MBTD1: variants seen among roughly 807,000 people sequenced by gnomAD.
MBTD1 encodes the protein mbt domain containing 1.
MBTD1 carries 24 observed loss-of-function variants against 87.8 expected under a neutral mutation model. That is an observed-to-expected ratio of 0.27 (90% CI 0.20 to 0.38). The LOEUF (loss-of-function observed/expected upper bound fraction) is 0.38. Ranked by LOEUF, MBTD1 falls within the 10% of genes least tolerant of loss-of-function variation. The pLI is 1.00. For synonymous variants in MBTD1, 237 were observed against 248.6 expected, an observed-to-expected ratio of 0.95 and a Z score of 0.44; for missense variants, 436 against 760.2, an observed-to-expected ratio of 0.57 and a Z score of 5.02.
At chr17:51,190,721 C>CAAAAAAAAA (rs1165717944) in intron 16 of MBTD1, among the ~76,000 whole-genome samples, 1 of 35,172 alleles carries the variant, frequency 2.8e-5, no homozygotes, top group Non-Finnish European at 4.1e-5. Flanking sequence ...GACTCTGTCT[C>CAAAAAAAAA]AAAAAAAAAA....
At chr17:51,256,160 T>C (rs2055076149) in intron 2 of MBTD1, 1 of 152,336 alleles carries the variant, frequency 6.6e-6, no homozygotes, top group Non-Finnish European at 1.5e-5. Context: ...TTATGACTTG[T>C]CTCATCTTTT....
At chr17:51,215,914 A>G (rs2052538490) in intron 6 of MBTD1, among the ~76,000 whole-genome samples, 1 of 150,706 alleles carries the variant, frequency 6.6e-6, no homozygotes, top group South Asian at 2.1e-4. Flanking sequence ...TGTTATCTAA[A>G]AATAAAGCCC....
rs942390810 is a variant in MBTD1, at chr17:51,180,291, GTTC to G, written c.*282_*284del. ...TGTTACCAAAAAAGTTAGAATTTCA[GTTC>G]TTGTTAACAATGCACATAAATCCAA... is the stretch of plus-strand genomic sequence containing the variant. On this transcript the variant is annotated 3_prime_UTR_variant, in exon 17 of 17. Transcript: ENST00000586178. 21 of 274,756 alleles carry G rather than the reference GTTC, an allele frequency of 7.6e-5. No individual in the cohort carries two copies. The Admixed American group carries it at 1.0e-3, about 13-fold the overall frequency. The allele number at this position is 274,756 out of a possible 1,614,324, so 17.0% of individuals were successfully genotyped here.
At chr17:51,198,997 T>C (rs1214371167) in intron 12 of MBTD1, among the ~76,000 whole-genome samples, 4 of 152,206 alleles carry the variant, frequency 2.6e-5, no homozygotes, top group African/African-American at 7.2e-5. Context: ...GGTTTTATCA[T>C]GTTGGCCAGG....
intron 12 of MBTD1, among the ~76,000 whole-genome samples, chr17:51,197,377 G>C (rs1177764599): frequency 6.6e-6 from 1 of 151,506 alleles, no homozygotes; most frequent in East Asian, 1.9e-4. Context: ...TTCCTTCATA[G>C]TTTTACTTGT....
At chr17:51,211,786 A>G (rs917726666) in intron 6 of MBTD1, among the ~76,000 whole-genome samples, 3 of 152,072 alleles carry the variant, frequency 2.0e-5, no homozygotes, top group African/African-American at 7.2e-5. Flanking sequence ...GACTAGGGAA[A>G]AAAAAAACCA....
chr17:51,233,403 C>T (rs928978445), intron 2 of MBTD1, among the ~76,000 whole-genome samples: 5 of 152,004 alleles, frequency 3.3e-5, no homozygotes, highest in Admixed American at 6.6e-5. Flanking sequence ...AAAAAAATTA[C>T]GAATTCTTCA....
intron 7 of MBTD1, 46 bp downstream of exon 7, chr17:51,206,842 C>A (rs1170911637): frequency 1.6e-6 from 2 of 1,281,432 alleles, no homozygotes; most frequent in East Asian, 2.3e-5. Flanking sequence ...CGAAAGGTTA[C>A]AAGGATCTCT....
intron 2 of MBTD1, among the ~76,000 whole-genome samples, chr17:51,248,471 T>C (rs2054582206): frequency 6.6e-6 from 1 of 152,222 alleles, no homozygotes; most frequent in African/African-American, 2.4e-5. Flanking sequence ...TAAGGCATAC[T>C]GTTGAACACT....
At chr17:51,257,427 T>C (rs976095450) in intron 2 of MBTD1, among the ~76,000 whole-genome samples, 1 of 152,156 alleles carries the variant, frequency 6.6e-6, no homozygotes, top group African/African-American at 2.4e-5. Flanking sequence ...TCCTAATATG[T>C]TGTTTTCACT....
chr17:51,190,128 C>G (rs1312559787), intron 16 of MBTD1, among the ~76,000 whole-genome samples: 1 of 152,188 alleles, frequency 6.6e-6, no homozygotes, highest in Admixed American at 6.5e-5. Context: ...AAGGTTAGAA[C>G]AGAGTATATT....
chr17:51,196,110 C>A (rs1028355132), intron 12 of MBTD1, among the ~76,000 whole-genome samples: 6 of 152,080 alleles, frequency 3.9e-5, no homozygotes, highest in African/African-American at 1.2e-4. Context: ...TGGGGTCTCA[C>A]CATGTTGCTC....
At chr17:51,259,351 C>A in intron 1 of MBTD1, 145 bp from the exon 2 acceptor site, 3 of 893,014 alleles carry the variant, frequency 3.4e-6, no homozygotes, top group Non-Finnish European at 4.4e-6. Flanking sequence ...ACCCCGCCCC[C>A]TTTCAATATT....
intron 3 of MBTD1, 45 bp downstream of exon 3, chr17:51,224,963 C>G: frequency 1.5e-6 from 2 of 1,302,862 alleles, no homozygotes; most frequent in South Asian, 3.3e-5. Context: ...AAAACACACC[C>G]TTAAACATAA....
chr17:51,193,105 ACTAG>A, intron 14 of MBTD1, 89 bp from the exon 15 acceptor site: 7 of 801,302 alleles, frequency 8.7e-6, no homozygotes, highest in Non-Finnish European at 1.4e-5. Flanking sequence ...AACAGAAGCG[ACTAG>A]CTAAATAACA....
chr17:51,250,069 C>CT (rs1002333437), intron 2 of MBTD1: 9,670 of 138,808 alleles, frequency 0.07, 630 homozygotes, highest in African/African-American at 0.17. Flanking sequence ...TAATTAAACA[C>CT]TTTTTTTTTT....
At chr17:51,217,806 A>G (rs2052655322) in intron 5 of MBTD1, among the ~76,000 whole-genome samples, 1 of 152,066 alleles carries the variant, frequency 6.6e-6, no homozygotes, top group Non-Finnish European at 1.5e-5. Context: ...ACGGGGTTTC[A>G]CCATATTGGC....
chr17:51,245,139 A>G (rs2054359495), intron 2 of MBTD1, among the ~76,000 whole-genome samples: 1 of 152,048 alleles, frequency 6.6e-6, no homozygotes, highest in Non-Finnish European at 1.5e-5. Context: ...TGACCTCGTG[A>G]TCTGCTCGCC....
intron 16 of MBTD1, among the ~76,000 whole-genome samples, chr17:51,188,932 AT>A (rs1415037183): frequency 4.0e-5 from 6 of 151,762 alleles, no homozygotes; most frequent in African/African-American, 1.5e-4. Flanking sequence ...CTAATTTTGC[AT>A]TTTTAGTAGA....
Sources: gnomAD v4.1 joint callset for allele counts (sites outside exome capture counted in the v4.1 genomes callset) on GRCh38, gnomAD v4.1.1 for gene constraint, MANE v1.5 for transcripts, NCBI Gene and HGNC (gene_info 2026-07-23, HGNC 2026-07-21) for gene names.